The following DHX38 variants were observed in gnomAD, a reference collection of about 807,000 sequenced individuals.
DHX38 encodes the protein DEAH-box helicase 38.
A neutral mutation model predicts 153.1 loss-of-function variants in DHX38; 100 were observed. The ratio of observed to expected loss-of-function variants is 0.65; its 90% CI spans 0.56 to 0.77. The LOEUF is 0.77. Among genes scored for constraint, DHX38 ranks in the 30% least tolerant of loss-of-function variants. DHX38 has a pLI of 0.00. For synonymous variants in DHX38, 650 were observed against 631.7 expected (o/e 1.03, Z -0.43); for missense variants, 1,440 against 1,654.0 (o/e 0.87, Z 2.24).
Position 72,110,998 on chromosome 16 carries a change from G to A in DHX38, c.3520G>A (p.Glu1174Lys), listed in dbSNP as rs746253079. Residue 1174 changes from glutamate (E) to lysine (K), a missense_variant, in exon 26 of 27, where the codon GAG becomes AAG. Physicochemically the swap from Glu to Lys is moderately conservative, Grantham distance 56 (BLOSUM62 1). Transcript: ENST00000268482. ...CAAAGAGGAAGCCTCTGCCATGGAG[G>A]AGGAGATGGCGCTGGCCGAGGAGCA... ...RAKEEASAME[E>K]EMALAEEQLR... 58 of 1,587,886 alleles carry A rather than the reference G, an allele frequency of 3.7e-5. 1 individual carries two copies. In the South Asian group the frequency reaches 6.4e-4, roughly 18 times the overall value.
intron 11 of DHX38, among the ~76,000 whole-genome samples, chr16:72,102,258 C>T (rs2042111530): frequency 6.6e-6 from 1 of 152,188 alleles, no homozygotes; most frequent in Admixed American, 6.5e-5. Context: ...GAAGTTGGTA[C>T]TATTGATCAG....
rs772424713 is a variant in DHX38 at position 72,107,582 on chromosome 16, C to G, written c.2809+34C>G. On this transcript the variant is annotated intron_variant, in intron 20 of 26. Coordinates refer to ENST00000268482, the MANE Select transcript of DHX38 (RefSeq NM_014003.4). The surrounding 1 kb of genome is among the most constrained non-coding windows in gnomAD (Gnocchi z 5.3). Reference sequence around the variant, plus strand: ...GCCCCGGGAGCCTCATGGGTGCTGGCGCTTGACTTCCTTCTTTCCTCTACT... The same window carrying G: ...GCCCCGGGAGCCTCATGGGTGCTGGGGCTTGACTTCCTTCTTTCCTCTACT... 2.5e-6 allele frequency: 4 copies of G among 1,609,186 alleles called. No individual in the cohort carries two copies. The highest frequency in any genetic ancestry group is 8.5e-7 in the Non-Finnish European group (1 of 1,176,026).
intron 11 of DHX38, 144 bp from the exon 12 acceptor site, chr16:72,102,930 C>A: frequency 8.6e-7 from 1 of 1,161,726 alleles, no homozygotes; most frequent in Non-Finnish European, 1.2e-6. Flanking sequence ...TCGATGAGAA[C>A]CATCTCAGAT....
At chr16:72,101,327 G>T in intron 10 of DHX38, 134 bp downstream of exon 10, 1 of 1,172,782 alleles carries the variant, frequency 8.5e-7, no homozygotes. Context: ...GACAGCTGCG[G>T]GGCCTGGTGT....
rs750964573 is a variant in DHX38, at chr16:72,098,738, C to T, written c.710C>T (p.Pro237Leu). The T allele has an allele frequency of 6.2e-7, 1 of 1,614,218 alleles. No individual in the cohort carries two copies. Among genetic ancestry groups the T allele is most frequent in the South Asian group, 1.1e-5 (1 of 91,086 alleles). ...CAGTGGGAATCGCCCTCCCCGACGCCTTCCTATCGGGATTCTGAGCGGAGC... is the reference window on the plus strand; with the variant it reads ...CAGTGGGAATCGCCCTCCCCGACGCTTTCCTATCGGGATTCTGAGCGGAGC... ...RSQWESPSPT[P>L]SYRDSERSHR... The change falls in exon 5 of 27, where the codon CCT becomes CTT. Residue 237 changes from proline to leucine, a missense_variant. Around this residue, in one of 6 missense-constraint regions of DHX38, gnomAD observed 483 missense variants for 465.1 expected, o/e 1.04. Transcript: ENST00000268482.
chr16:72,104,157 C>T lies in DHX38; in HGVS notation c.2010+26C>T. ...GTGAGGGCTGTGTGGTTTGGTCTCT[C>T]TGCGCATGGGGTGTTGACCAGTGCA... On this transcript the variant is annotated intron_variant, in intron 14 of 26. Transcript: ENST00000268482. The surrounding 1 kb of genome is among the most constrained non-coding windows in gnomAD (Gnocchi z 4.5). 6 of 1,609,644 alleles carry T rather than the reference C, an allele frequency of 3.7e-6. No homozygotes were observed. Among genetic ancestry groups the T allele is most frequent in the Non-Finnish European group, 5.1e-6 (6 of 1,176,828 alleles).
chr16:72,097,601 G>A, intron 3 of DHX38, 76 bp from the exon 4 acceptor site: 1 of 1,430,272 alleles, frequency 7.0e-7, no homozygotes, highest in Non-Finnish European at 9.7e-7. Context: ...TGGGCAGCCT[G>A]TCCTTTCTCT....
In DHX38 at chr16:72,107,791, A is replaced by G. The variant is rs1418888780; in HGVS notation, c.2956A>G (p.Arg986Gly). Residue 986 changes from arginine to glycine, a missense_variant, in exon 21 of 27, where the codon AGG becomes GGG. Physicochemically the swap from Arg to Gly is moderately radical, Grantham distance 125. Around this residue, in one of 6 missense-constraint regions of DHX38, gnomAD observed 543 missense variants for 717.9 expected, o/e 0.76. Transcript: ENST00000268482. The surrounding 1 kb of genome is among the most constrained non-coding windows in gnomAD (Gnocchi z 5.3). ...SMLSVPAIFY[R>G]PKGREEESDQ... is the part of the protein sequence containing the mutation. ...GCTCTCGGTCCCAGCCATCTTCTACAGGCCCAAGGTGGGGCAGCGGCTGGC... is the reference window on the plus strand; with the variant it reads ...GCTCTCGGTCCCAGCCATCTTCTACGGGCCCAAGGTGGGGCAGCGGCTGGC... The G allele has an allele frequency of 1.2e-6, 2 of 1,613,378 alleles. No homozygotes were observed. Among genetic ancestry groups the G allele is most frequent in the Non-Finnish European group, 1.7e-6 (2 of 1,179,940 alleles).
rs757211289 is a variant in DHX38 at position 72,104,167 on chromosome 16, G to A, written c.2010+36G>A. 3.1e-5 allele frequency: 49 copies of A among 1,602,284 alleles called. No homozygotes were observed. In the East Asian group the frequency reaches 1.1e-3, roughly 34 times the overall value. On this transcript the variant is annotated intron_variant, in intron 14 of 26. Transcript: ENST00000268482. The surrounding 1 kb of genome is among the most constrained non-coding windows in gnomAD (Gnocchi z 4.5). The stretch of plus-strand genomic sequence containing the variant: ...TGTGGTTTGGTCTCTCTGCGCATGG[G>A]GTGTTGACCAGTGCACCACCAGTAG...
chr16:72,107,435 A>G lies in DHX38; in HGVS notation c.2696A>G (p.Lys899Arg). Residue 899 changes from lysine (K) to arginine (R), a missense_variant, in exon 20 of 27, where the codon AAG (lysine) becomes AGG (arginine). Lys to Arg is a conservative substitution (Grantham distance 26). Around this residue, in one of 6 missense-constraint regions of DHX38, gnomAD observed 543 missense variants for 717.9 expected, o/e 0.76. Coordinates refer to ENST00000268482, the MANE Select transcript of DHX38 (RefSeq NM_014003.4). This position sits in a 1 kb window ranked among gnomAD's most constrained non-coding sequence, Gnocchi z 5.3. ...CTGGCCAACGTGGTGCTGCTGCTCA[A>G]GTCCCTCGGGGTGCAGGACCTGCTG... ...TNLANVVLLL[K>R]SLGVQDLLQF... 1 of 1,614,186 alleles carries G rather than the reference A, an allele frequency of 6.2e-7. No individual in the cohort carries two copies. The highest frequency in any genetic ancestry group is 8.5e-7 in the Non-Finnish European group (1 of 1,180,032).
At chr16:72,106,207 A>G (rs926665427) in intron 19 of DHX38, 90 bp downstream of exon 19, 3 of 1,244,598 alleles carry the variant, frequency 2.4e-6, no homozygotes, top group Middle Eastern at 2.5e-4. Context: ...TGCTGGCTCT[A>G]GAGCTGGTCC....
At chr16:72,100,969 G>A (rs2042091770) in intron 9 of DHX38, 117 bp from the exon 10 acceptor site, 3 of 1,017,786 alleles carry the variant, frequency 2.9e-6, no homozygotes, top group Admixed American at 2.0e-5. Flanking sequence ...AGAAGAGAAG[G>A]GAGAAAATAG....
In DHX38 at chr16:72,099,202, A is replaced by T. The variant is rs1202373240; in HGVS notation, c.884-2A>T. On this transcript the variant is annotated splice_acceptor_variant, in intron 6 of 26. Transcript: ENST00000268482. LOFTEE classifies it high-confidence loss of function. Reference sequence around the variant, plus strand: ...ACTGACCTGCTTCCTGTGCTCCTCCAGGAAGACGTGAGGAGGGCGAAGAAG... The same window carrying T: ...ACTGACCTGCTTCCTGTGCTCCTCCTGGAAGACGTGAGGAGGGCGAAGAAG... 6.2e-7 allele frequency: 1 copy of T among 1,609,260 alleles called. No individual in the cohort carries two copies.
intron 25 of DHX38, 34 bp from the exon 26 acceptor site, chr16:72,110,922 A>G (rs1223741532): frequency 1.3e-6 from 2 of 1,559,280 alleles, no homozygotes; most frequent in East Asian, 2.4e-5. Flanking sequence ...AGTGGTCCCC[A>G]GTAGGCTCAG....
chr16:72,106,261 T>G, intron 19 of DHX38, 144 bp downstream of exon 19: 1 of 725,244 alleles, frequency 1.4e-6, no homozygotes, highest in Admixed American at 2.6e-5. Flanking sequence ...TGTTAGTCCT[T>G]TCATCCTATG....
intron 25 of DHX38, 48 bp from the exon 26 acceptor site, chr16:72,110,908 C>G (rs376493464): frequency 2.0e-6 from 3 of 1,533,990 alleles, no homozygotes; most frequent in South Asian, 1.2e-5. Flanking sequence ...AGGCCTCCTT[C>G]CTTAGTGGTC....
intron 26 of DHX38, among the ~76,000 whole-genome samples, chr16:72,111,682 G>A (rs368033139): frequency 2.0e-5 from 3 of 152,192 alleles, no homozygotes; most frequent in African/African-American, 4.8e-5. Context: ...GCGAAGCCTC[G>A]TTTGTCCTCA....
In DHX38 at chr16:72,111,031, G is replaced by A. The variant is rs1328034954; in HGVS notation, c.3553G>A (p.Ala1185Thr). Residue 1185 changes from alanine (A) to threonine (T), a missense_variant, in exon 26 of 27, where the codon GCC becomes ACC. Coordinates refer to ENST00000268482, the MANE Select transcript of DHX38 (RefSeq NM_014003.4). ...GGCGCTGGCCGAGGAGCAGCTGCGA[G>A]CCCGGCGGCAGGAGCAGGAGAAGCG... ...EMALAEEQLR[A>T]RRQEQEKRSP... 7.6e-6 allele frequency: 12 copies of A among 1,580,698 alleles called. No individual in the cohort carries two copies. The highest frequency in any genetic ancestry group is 8.6e-7 in the Non-Finnish European group (1 of 1,163,346).
At position 72,100,905 on chromosome 16, in the gene DHX38, C is replaced by T. The variant is rs978297288; in HGVS notation, c.1279-181C>T. On this transcript the variant is annotated intron_variant, in intron 9 of 26. Coordinates refer to ENST00000268482, the MANE Select transcript of DHX38 (RefSeq NM_014003.4). Reference sequence around the variant, plus strand: ...TCACACCACTGCACTCCAGTCTGGGCGACAGAGCAAGACTCTGTCTCACAC... The same window carrying T: ...TCACACCACTGCACTCCAGTCTGGGTGACAGAGCAAGACTCTGTCTCACAC... Among the ~76,000 whole-genome samples the T allele has an allele frequency of 4.6e-5, 7 of 151,982 alleles. No homozygotes were observed. The East Asian group carries it at 5.8e-4, about 13-fold the overall frequency.
Sources: allele counts gnomAD v4.1 joint callset (sites outside exome capture counted in the v4.1 genomes callset), GRCh38; gene constraint gnomAD v4.1.1; regional missense constraint gnomAD v4.1.1; non-coding constraint Gnocchi (gnomAD v3.1); transcripts MANE v1.5; gene names NCBI Gene and HGNC (gene_info 2026-07-23, HGNC 2026-07-21).